The following DGKB variants were observed in gnomAD, a reference collection of about 807,000 sequenced individuals.
DGKB encodes diacylglycerol kinase beta.
DGKB carries 67 observed loss-of-function variants against 114.3 expected under a neutral mutation model. The observed-to-expected ratio is 0.59, with a 90% CI of 0.48 to 0.72. The LOEUF is 0.72. Ranked by LOEUF, DGKB falls within the 30% of genes least tolerant of loss-of-function variation. DGKB has a pLI of 0.00. For missense variants in DGKB, 907 were observed against 975.2 expected (o/e 0.93, Z 0.93); for synonymous variants, 398 against 323.1 (o/e 1.23, Z -2.49).
chr7:14,213,937 C>T (rs1055091081), intron 23 of DGKB, among the ~76,000 whole-genome samples: 1 of 152,096 alleles, frequency 6.6e-6, no homozygotes, highest in African/African-American at 2.4e-5. Context: ...TTGCATTTCC[C>T]TAGTTATTAG....
intron 1 of DGKB, among the ~76,000 whole-genome samples, chr7:14,884,567 C>T (rs1205127657): frequency 1.3e-5 from 2 of 151,932 alleles, no homozygotes; most frequent in East Asian, 3.9e-4. Flanking sequence ...TTTTCTGAGG[C>T]AGCACTCAAT....
rs1026143138 is a variant in DGKB at position 14,892,909 on chromosome 7, T to C, written c.-188+9683A>G. 2.0e-5 allele frequency among the ~76,000 whole-genome samples: 3 copies of C among 150,798 alleles called. No homozygotes were observed. In the South Asian group the frequency reaches 6.2e-4, roughly 31 times the overall value. ...GTGTATACACATATGTATATGTATA[T>C]ATGTACGCATATACATATCTATGTG... is the stretch of plus-strand genomic sequence containing the variant. On this transcript the variant is annotated intron_variant, in intron 1 of 25. Coordinates refer to ENST00000402815, the MANE Select transcript of DGKB (RefSeq NM_001350709.2).
chr7:14,896,654 AT>A (rs1169905331), intron 1 of DGKB, among the ~76,000 whole-genome samples: 2 of 151,660 alleles, frequency 1.3e-5, no homozygotes, highest in East Asian at 3.9e-4. Flanking sequence ...TGATTACGTC[AT>A]TTAATTTTAT....
intron 1 of DGKB, among the ~76,000 whole-genome samples, chr7:14,857,258 T>TTGTGTGTGTGTG (rs140695633): frequency 0.026 from 3,623 of 138,316 alleles, 64 homozygotes; most frequent in Non-Finnish European, 0.031. Context: ...CTGTGTGTGT[T>TTGTGTGTGTGTG]TGTGTGTGTG....
chr7:14,791,586 C>T (rs2128507979), intron 2 of DGKB, among the ~76,000 whole-genome samples: 1 of 152,188 alleles, frequency 6.6e-6, no homozygotes, highest in Admixed American at 6.5e-5. Flanking sequence ...AGGAAATTCC[C>T]TTCTTTTTCT....
intron 21 of DGKB, among the ~76,000 whole-genome samples, chr7:14,436,380 C>A (rs1829265752): frequency 1.3e-5 from 2 of 152,086 alleles, no homozygotes; most frequent in South Asian, 4.1e-4. Flanking sequence ...TCATCAAAGT[C>A]ATATTTAACA....
At chr7:14,639,904 T>G (rs1177060345) in intron 13 of DGKB, among the ~76,000 whole-genome samples, 1 of 152,196 alleles carries the variant, frequency 6.6e-6, no homozygotes, top group African/African-American at 2.4e-5. Context: ...TTCATATCCA[T>G]GTTACAGTCA....
At chr7:14,852,581 G>T (rs1390910132) in intron 1 of DGKB, among the ~76,000 whole-genome samples, 3 of 148,616 alleles carry the variant, frequency 2.0e-5, no homozygotes, top group African/African-American at 5.0e-5. Flanking sequence ...GACATGTTTT[G>T]TTATTTTTGT....
chr7:14,560,179 C>A (rs1796447596), intron 20 of DGKB, among the ~76,000 whole-genome samples: 1 of 151,994 alleles, frequency 6.6e-6, no homozygotes, highest in Admixed American at 6.6e-5. Context: ...TTTCTCCTCT[C>A]TTTTTTTATT....
At chr7:14,878,877 T>C (rs1052936145) in intron 1 of DGKB, among the ~76,000 whole-genome samples, 1 of 152,214 alleles carries the variant, frequency 6.6e-6, no homozygotes, top group Non-Finnish European at 1.5e-5. Context: ...ATTGCAAATC[T>C]TGCATATGTT....
chr7:14,261,779 G>T (rs550462171), intron 23 of DGKB, among the ~76,000 whole-genome samples: 1 of 152,218 alleles, frequency 6.6e-6, no homozygotes, highest in Non-Finnish European at 1.5e-5. Context: ...TTATATGGTA[G>T]AATTCAATAT....
At chr7:14,374,987 A>C (rs1818260988) in intron 21 of DGKB, among the ~76,000 whole-genome samples, 1 of 152,260 alleles carries the variant, frequency 6.6e-6, no homozygotes, top group Non-Finnish European at 1.5e-5. Flanking sequence ...TCTCTACCTA[A>C]AAATTTCCTA....
intron 1 of DGKB, among the ~76,000 whole-genome samples, chr7:14,896,784 G>A (rs931966452): frequency 1.8e-4 from 27 of 151,686 alleles, no homozygotes; most frequent in Non-Finnish European, 2.8e-4. Flanking sequence ...CAGTTTGAAC[G>A]CAGAAAGTAA....
At chr7:14,758,172 T>C (rs1284918745) in intron 2 of DGKB, among the ~76,000 whole-genome samples, 1 of 152,100 alleles carries the variant, frequency 6.6e-6, no homozygotes, top group African/African-American at 2.4e-5. Flanking sequence ...AATAACATTT[T>C]AGTTTTGTTA....
At chr7:14,625,512 T>C (rs937415580) in intron 14 of DGKB, among the ~76,000 whole-genome samples, 3 of 133,550 alleles carry the variant, frequency 2.2e-5, no homozygotes, top group African/African-American at 8.0e-5. Flanking sequence ...AATGTTGAAG[T>C]TATTGAAAGT....
chr7:14,617,349 T>C (rs1325355101), intron 15 of DGKB, among the ~76,000 whole-genome samples: 4 of 151,642 alleles, frequency 2.6e-5, no homozygotes, highest in Non-Finnish European at 5.9e-5. Context: ...CTTGGAGAAG[T>C]TCCTGATTCC....
chr7:14,407,153 G>A lies in DGKB; in HGVS notation c.1836-61762C>T, dbSNP rs556434061. 1.8e-4 allele frequency among the ~76,000 whole-genome samples: 28 copies of A among 152,188 alleles called. No individual in the cohort carries two copies. The South Asian group carries it at 2.3e-3, about 12-fold the overall frequency. ...CATTCTAGTGCATGAATGTGACAGG[G>A]AGCAGCTGAAGAGAATGGAAGTGAT... On this transcript the variant is annotated intron_variant, in intron 21 of 25. Transcript: ENST00000402815.
chr7:14,541,401 C>T (rs1793420877), intron 20 of DGKB, among the ~76,000 whole-genome samples: 1 of 152,126 alleles, frequency 6.6e-6, no homozygotes, highest in Non-Finnish European at 1.5e-5. Flanking sequence ...GTTGATACAG[C>T]CTGCTCTCAC....
intron 21 of DGKB, among the ~76,000 whole-genome samples, chr7:14,417,577 TA>T (rs1825901345): frequency 6.6e-6 from 1 of 152,036 alleles, no homozygotes; most frequent in African/African-American, 2.4e-5. Flanking sequence ...TTAAAATGAT[TA>T]AAAATCATTC....
Sources: allele counts gnomAD v4.1 joint callset (sites outside exome capture counted in the v4.1 genomes callset), GRCh38; gene constraint gnomAD v4.1.1; transcripts MANE v1.5; gene names NCBI Gene and HGNC (gene_info 2026-07-23, HGNC 2026-07-21).